PIAS2: variants seen among roughly 807,000 people sequenced by gnomAD.
PIAS2 encodes E3 SUMO-protein ligase PIAS2.
A neutral mutation model predicts 69.7 loss-of-function variants in PIAS2; 19 were observed. The observed-to-expected ratio is 0.27, with a 90% CI of 0.19 to 0.40. The LOEUF is 0.40. PIAS2 is among the 10% of genes least tolerant of loss of function. The pLI is 1.00. For synonymous variants in PIAS2, 261 were observed against 263.2 expected (o/e 0.99, Z 0.08); for missense variants, 624 against 757.0 (o/e 0.82, Z 2.06).
At chr18:46,818,315 T>G in intron 12 of PIAS2, 1 of 1,432,714 alleles carries the variant, frequency 7.0e-7, no homozygotes, top group Non-Finnish European at 9.2e-7. Context: ...GGCAGTCATA[T>G]TTTTCCTTGA....
chr18:46,875,373 C>T (rs902775518), intron 2 of PIAS2, among the ~76,000 whole-genome samples: 34 of 152,134 alleles, frequency 2.2e-4, no homozygotes, highest in African/African-American at 7.0e-4. Flanking sequence ...TACGTGGTCC[C>T]ACCCCATCAA....
At chr18:46,858,373 G>A (rs2048153209) in intron 3 of PIAS2, among the ~76,000 whole-genome samples, 1 of 152,170 alleles carries the variant, frequency 6.6e-6, no homozygotes, top group African/African-American at 2.4e-5. Context: ...CTTTCTAATG[G>A]AAAGATCTCA....
At chr18:46,919,374 T>C (rs1260607465), upstream of PIAS2, among the ~76,000 whole-genome samples, 2 of 152,098 alleles carry the variant, frequency 1.3e-5, no homozygotes, top group Non-Finnish European at 2.9e-5. Flanking sequence ...TAATCCCAGC[T>C]ACTCCGGAGA....
At chr18:46,820,008 A>T (rs2041996356) in intron 12 of PIAS2, among the ~76,000 whole-genome samples, 1 of 152,132 alleles carries the variant, frequency 6.6e-6, no homozygotes, top group Non-Finnish European at 1.5e-5. Flanking sequence ...CACATGGAAA[A>T]TTCCAGAAAT....
At chr18:46,821,219 A>C (rs1434686864) in intron 11 of PIAS2, 147 bp from the exon 12 acceptor site, 20 of 690,650 alleles carry the variant, frequency 2.9e-5, no homozygotes, top group Non-Finnish European at 4.2e-5. Context: ...ACTCCACTCT[A>C]CTCTCCTCTC....
chr18:46,886,383 C>T lies in PIAS2; in HGVS notation c.499+4197G>A, dbSNP rs115435246. Among the ~76,000 whole-genome samples, 959 of 152,130 alleles carry T rather than the reference C, an allele frequency of 6.3e-3. 7 individuals carry two copies. Among genetic ancestry groups the T allele is most frequent in the African/African-American group, 0.022 (897 of 41,500 alleles). The stretch of plus-strand genomic sequence containing the variant: ...TGGGACAGAATATATAAATGAACCA[C>T]GACATTGTGCATGATACTGTCCAAA... On this transcript the variant is annotated intron_variant, in intron 2 of 13. Coordinates refer to ENST00000585916, the MANE Select transcript of PIAS2 (RefSeq NM_004671.5).
At chr18:46,879,366 C>A (rs549179177) in intron 2 of PIAS2, among the ~76,000 whole-genome samples, 1 of 125,954 alleles carries the variant, frequency 7.9e-6, no homozygotes, top group East Asian at 2.4e-4. Context: ...CCACCTCACA[C>A]CCATCAGGAT....
intron 3 of PIAS2, among the ~76,000 whole-genome samples, chr18:46,861,508 C>A (rs189113325): frequency 6.6e-6 from 1 of 152,156 alleles, no homozygotes; most frequent in Non-Finnish European, 1.5e-5. Flanking sequence ...AGTAACTTTA[C>A]AGTGCAGATA....
intron 8 of PIAS2, among the ~76,000 whole-genome samples, chr18:46,837,157 G>T (rs1174541746): frequency 6.6e-6 from 1 of 152,046 alleles, no homozygotes; most frequent in Admixed American, 6.6e-5. Flanking sequence ...GGAAAGAAAA[G>T]TACATTTGTA....
rs142840449 is a variant in PIAS2 at position 46,855,488 on chromosome 18, A to C, written c.636-53T>G. 9.5e-5 allele frequency: 149 copies of C among 1,563,944 alleles called. No homozygotes were observed. In the African/African-American group the frequency reaches 1.9e-3, roughly 20 times the overall value. On this transcript the variant is annotated intron_variant, in intron 4 of 13. Coordinates refer to ENST00000585916, the MANE Select transcript of PIAS2 (RefSeq NM_004671.5). The stretch of plus-strand genomic sequence containing the variant: ...TTAAATAGTGTGCTCAAACATTCTT[A>C]TATGTTTTAAAATTCAGAACTACAT...
upstream of PIAS2, among the ~76,000 whole-genome samples, chr18:46,919,029 G>C (rs1204847294): frequency 6.6e-6 from 1 of 150,612 alleles, no homozygotes; most frequent in Admixed American, 6.6e-5. Context: ...GTGTGTGTGT[G>C]TGTTGTGTAT....
At chr18:46,849,088 C>T (rs2046589123) in intron 5 of PIAS2, among the ~76,000 whole-genome samples, 1 of 152,130 alleles carries the variant, frequency 6.6e-6, no homozygotes, top group African/African-American at 2.4e-5. Flanking sequence ...AGAAATAACT[C>T]ATGAACTAAA....
intron 1 of PIAS2, among the ~76,000 whole-genome samples, chr18:46,903,099 G>A (rs1426331724): frequency 6.6e-6 from 1 of 152,068 alleles, no homozygotes; most frequent in Non-Finnish European, 1.5e-5. Context: ...AAATAAAACT[G>A]TAAAACTTTT....
intron 2 of PIAS2, among the ~76,000 whole-genome samples, chr18:46,883,464 G>T (rs1483057556): frequency 1.3e-5 from 2 of 151,800 alleles, no homozygotes; most frequent in East Asian, 3.9e-4. Flanking sequence ...GCACTTTGGG[G>T]GGCCGGGGCA....
In PIAS2 at chr18:46,804,494, T is replaced by A. The variant is rs1257387762; in HGVS notation, c.*7939A>T. 1.3e-5 allele frequency: 2 copies of A among 152,230 alleles called. No individual in the cohort carries two copies. The highest frequency in any genetic ancestry group is 4.8e-5 in the African/African-American group (2 of 41,452). 9.4% of individuals were successfully genotyped at this position (152,230 alleles called of 1,614,324 possible). On this transcript the variant is annotated 3_prime_UTR_variant, in exon 14 of 14. Coordinates refer to ENST00000585916, the MANE Select transcript of PIAS2 (RefSeq NM_004671.5). Reference sequence around the variant, plus strand: ...GCCAAACTCAACAAATTCTCATTACTACTAATGATCATGAAAACTCTTCAA... The same window carrying A: ...GCCAAACTCAACAAATTCTCATTACAACTAATGATCATGAAAACTCTTCAA...
chr18:46,896,449 C>T (rs2054902320), intron 1 of PIAS2, among the ~76,000 whole-genome samples: 1 of 152,162 alleles, frequency 6.6e-6, no homozygotes, highest in Non-Finnish European at 1.5e-5. Context: ...AAGACAGCTT[C>T]ATGAATAAAT....
upstream of PIAS2, among the ~76,000 whole-genome samples, chr18:46,918,202 C>T (rs79609991): frequency 5.4e-3 from 819 of 152,000 alleles, 4 homozygotes; most frequent in Middle Eastern, 0.014. Context: ...AGCTTGATGG[C>T]CCCCCCGTAA....
At chr18:46,829,653 C>A in intron 10 of PIAS2, 81 bp downstream of exon 10, 1 of 1,222,270 alleles carries the variant, frequency 8.2e-7, no homozygotes, top group South Asian at 1.5e-5. Context: ...GAATTCCAAA[C>A]GTATAGTTCT....
At chr18:46,851,912 G>A (rs1174180769) in intron 5 of PIAS2, among the ~76,000 whole-genome samples, 17 of 152,120 alleles carry the variant, frequency 1.1e-4, no homozygotes, top group Admixed American at 9.8e-4. Flanking sequence ...AGCTCTAATG[G>A]GCAATTCATG....
Sources: allele counts gnomAD v4.1 joint callset (sites outside exome capture counted in the v4.1 genomes callset), GRCh38; gene constraint gnomAD v4.1.1; transcripts MANE v1.5; gene names NCBI Gene and HGNC (gene_info 2026-07-23, HGNC 2026-07-21).